The following SH3TC1 variants were observed in gnomAD, a reference collection of about 807,000 sequenced individuals.
SH3TC1 encodes the protein SH3 domain and tetratricopeptide repeats 1, also known as SH3 domain and tetratricopeptide repeat-containing protein 1.
Under a neutral mutation model 117.3 loss-of-function variants are expected in SH3TC1, and 135 were observed. The ratio of observed to expected loss-of-function variants is 1.15; its 90% CI spans 1.00 to 1.33. The LOEUF (loss-of-function observed/expected upper bound fraction) is 1.33, where lower values mean the gene tolerates loss of function less well. SH3TC1 is among the 40% of genes most tolerant of loss of function. The probability of loss-of-function intolerance (pLI) is 0.00; values close to 1 mark genes in which losing one functional copy is unlikely to be tolerated. For missense variants in SH3TC1, 2,092 were observed against 1,794.3 expected, an observed-to-expected ratio of 1.17 and a Z score of -3.00; for synonymous variants, 898 against 816.9, an observed-to-expected ratio of 1.10 and a Z score of -1.69.
rs116515695 is a variant in SH3TC1, at chr4:8,228,326, C to A, written c.2632C>A (p.Arg878=). 1.2e-6 allele frequency: 2 copies of A among 1,612,020 alleles called. No homozygotes were observed. The highest frequency in any genetic ancestry group is 1.1e-5 in the South Asian group (1 of 91,072). The part of the protein sequence containing the change: ...MVAVALKRTG[R]TRQAAESYYR... Reference sequence around the variant, plus strand: ...GGCCGTGGCTCTGAAGAGGACGGGCCGGACGAGGCAGGCAGCTGAGAGCTA... The same window carrying A: ...GGCCGTGGCTCTGAAGAGGACGGGCAGGACGAGGCAGGCAGCTGAGAGCTA... The change falls in exon 12 of 18, where the codon CGG becomes AGG. Residue 878 remains arginine (R), a synonymous_variant. Coordinates refer to ENST00000245105, the MANE Select transcript of SH3TC1 (RefSeq NM_018986.5).
chr4:8,205,518 C>T lies in SH3TC1; in HGVS notation c.172+152C>T, dbSNP rs778464816. ...CTCTCCATCACTTCTCGTTTCCTTC[C>T]CCCGCGTGTGTTTAACAGGAGCCAC... On this transcript the variant is annotated intron_variant, in intron 2 of 17. Coordinates refer to ENST00000245105, the MANE Select transcript of SH3TC1 (RefSeq NM_018986.5). The surrounding 1 kb of genome is among the most constrained non-coding windows in gnomAD (Gnocchi z 5.4). 1.8e-6 allele frequency: 2 copies of T among 1,095,756 alleles called. No homozygotes were observed. The highest frequency in any genetic ancestry group is 2.8e-6 in the Non-Finnish European group (2 of 716,244). The allele number at this position is 1,095,756 out of a possible 1,614,324, so 67.9% of individuals were successfully genotyped here.
chr4:8,234,341 T>C (rs1721598623), intron 14 of SH3TC1, among the ~76,000 whole-genome samples: 1 of 150,500 alleles, frequency 6.6e-6, no homozygotes, highest in Admixed American at 6.6e-5. Context: ...CATTCGTCTG[T>C]CTGTCCATTT....
intron 13 of SH3TC1, chr4:8,232,813 G>A: frequency 7.8e-7 from 1 of 1,284,920 alleles, no homozygotes; most frequent in South Asian, 1.2e-5. Flanking sequence ...TTGGCCTCAG[G>A]TTCACAGCAG....
intron 1 of SH3TC1, among the ~76,000 whole-genome samples, chr4:8,203,052 T>C (rs1281126): frequency 0.67 from 101,941 of 152,096 alleles, 34,440 homozygotes; most frequent in Admixed American, 0.71. Context: ...CTCGTCCCTG[T>C]CTGCAGCCAA....
intron 1 of SH3TC1, among the ~76,000 whole-genome samples, chr4:8,191,958 CATTTATTTATTTATTTATTTATTTATTT>C (rs10705534): frequency 1.4e-5 from 2 of 148,116 alleles, no homozygotes; most frequent in Non-Finnish European, 3.0e-5. Context: ...CTCTGAGTTA[CATTTATTTATTTATTTATTTATTTATTT>C]ATTTATTTAT....
intron 1 of SH3TC1, among the ~76,000 whole-genome samples, chr4:8,182,722 A>G (rs1017544115): frequency 6.6e-6 from 1 of 152,198 alleles, no homozygotes; most frequent in Non-Finnish European, 1.5e-5. Flanking sequence ...GAAACAGTGC[A>G]ATGCTGGTGA....
intron 7 of SH3TC1, among the ~76,000 whole-genome samples, chr4:8,217,821 C>T (rs1417386202): frequency 6.6e-6 from 1 of 152,128 alleles, no homozygotes; most frequent in Non-Finnish European, 1.5e-5. Context: ...GTCCAGCTTC[C>T]TTTTTTTTCT....
chr4:8,227,305 G>A lies in SH3TC1; in HGVS notation c.1611G>A (p.Glu537=), dbSNP rs779992286. The A allele has an allele frequency of 1.9e-6, 3 of 1,610,316 alleles. No homozygotes were observed. Among genetic ancestry groups the A allele is most frequent in the South Asian group, 1.1e-5 (1 of 90,836 alleles). Residue 537 remains glutamate, a synonymous_variant, in exon 12 of 18, where the codon GAG becomes GAA. Coordinates refer to ENST00000245105, the MANE Select transcript of SH3TC1 (RefSeq NM_018986.5). ...TGTTCCGCAGCTTCAGCGACGAGGA[G>A]GAGCTGACTGGGCGCCTGGCACAGG... is the stretch of plus-strand genomic sequence containing the variant. ...SSVFRSFSDE[E]ELTGRLAQAR...
In SH3TC1 at chr4:8,209,816, C is replaced by T. The variant is rs922916937; in HGVS notation, c.241C>T (p.Pro81Ser). The T allele has an allele frequency of 1.2e-6, 2 of 1,613,242 alleles. No individual in the cohort carries two copies. The highest frequency in any genetic ancestry group is 3.3e-5 in the Admixed American group (2 of 59,950). The change falls in exon 3 of 18, where the codon CCC becomes TCC. Residue 81 changes from proline (P) to serine (S), a missense_variant. Pro to Ser is a moderately conservative substitution (Grantham distance 74, BLOSUM62 -1). Coordinates refer to ENST00000245105, the MANE Select transcript of SH3TC1 (RefSeq NM_018986.5). The surrounding 1 kb of genome is among the most constrained non-coding windows in gnomAD (Gnocchi z 5.9). ...GTPPCQMGVY[P>S]TDLTLQLLAV... ...CCCTCCCTGCCAGATGGGGGTTTAT[C>T]CCACAGGTAAACATCCTGGGCCCTA...
Position 8,188,275 on chromosome 4 carries a change from G to A in SH3TC1, c.-57+6065G>A, listed in dbSNP as rs563155138. On this transcript the variant is annotated intron_variant, in intron 1 of 16. Transcript: ENST00000508641. ...CCATGGCTGTCTCCACCATGAGGCCGAGTCTGGGCTCTCTAGAGGGCAGTA... is the reference window on the plus strand; with the variant it reads ...CCATGGCTGTCTCCACCATGAGGCCAAGTCTGGGCTCTCTAGAGGGCAGTA... 3.3e-5 allele frequency among the ~76,000 whole-genome samples: 5 copies of A among 152,286 alleles called. No individual in the cohort carries two copies. In the East Asian group the frequency reaches 5.8e-4, roughly 18 times the overall value.
intron 11 of SH3TC1, among the ~76,000 whole-genome samples, chr4:8,226,370 T>C (rs1170240918): frequency 6.6e-6 from 1 of 152,216 alleles, no homozygotes; most frequent in African/African-American, 2.4e-5. Flanking sequence ...CACAGGAGCC[T>C]GGAAGCTTTC....
In SH3TC1 at chr4:8,205,132, G is replaced by A; in HGVS notation, c.-28-35G>A. On this transcript the variant is annotated intron_variant, in intron 1 of 17. Coordinates refer to ENST00000245105, the MANE Select transcript of SH3TC1 (RefSeq NM_018986.5). This position sits in a 1 kb window ranked among gnomAD's most constrained non-coding sequence, Gnocchi z 5.4. ...CAACCTCCGTGCTGGTTCTGGAGGGGCCACCTCTCCTGACCACACCCCCTC... is the reference window on the plus strand; with the variant it reads ...CAACCTCCGTGCTGGTTCTGGAGGGACCACCTCTCCTGACCACACCCCCTC... 1 of 1,436,358 alleles carries A rather than the reference G, an allele frequency of 7.0e-7. No individual in the cohort carries two copies. The highest frequency in any genetic ancestry group is 9.2e-7 in the Non-Finnish European group (1 of 1,090,000). 89.0% of individuals were successfully genotyped at this position (1,436,358 alleles called of 1,614,324 possible). A position where few individuals can be genotyped will look rare whatever the true frequency, so the allele number is the denominator to read the frequency against.
At chr4:8,198,517 C>A (rs1381565889), upstream of SH3TC1, among the ~76,000 whole-genome samples, 1 of 152,222 alleles carries the variant, frequency 6.6e-6, no homozygotes, top group South Asian at 2.1e-4. Context: ...TTCAGTTCTG[C>A]CTCTTGTCCC....
rs1721717184 is a variant in SH3TC1 at position 8,235,441 on chromosome 4, G to A, written c.3291G>A (p.Gln1097=). ...ELVDLYIQVA[Q]NVALYTGDPN... ...CTTCTGCCTCCTTTCAGGTGGCACAGAACGTGGCCCTGTACACAGGCGACC... is the reference window on the plus strand; with the variant it reads ...CTTCTGCCTCCTTTCAGGTGGCACAAAACGTGGCCCTGTACACAGGCGACC... The change falls in exon 15 of 18, where the codon CAG becomes CAA. Residue 1097 remains glutamine, a synonymous_variant. Coordinates refer to ENST00000245105, the MANE Select transcript of SH3TC1 (RefSeq NM_018986.5). 5 of 1,535,958 alleles carry A rather than the reference G, an allele frequency of 3.3e-6. No homozygotes were observed. Among genetic ancestry groups the A allele is most frequent in the Middle Eastern group, 1.7e-4 (1 of 5,724 alleles).
chr4:8,207,077 C>CAA lies in SH3TC1; in HGVS notation c.172+1730_172+1731dup, dbSNP rs34956323. Among the ~76,000 whole-genome samples, 553 of 138,630 alleles carry CAA rather than the reference C, an allele frequency of 4.0e-3. 3 individuals are homozygous for CAA. Among genetic ancestry groups the CAA allele is most frequent in the African/African-American group, 0.013 (465 of 36,846 alleles). 90.9% of individuals were successfully genotyped at this position (138,630 alleles called of 152,430 possible). The stretch of plus-strand genomic sequence containing the variant: ...TTTATCCCAATAATATCCTTTATAG[C>CAA]AAAAAAAAAAAAAAAAAAAATTCCT... On this transcript the variant is annotated intron_variant, in intron 2 of 17. Transcript: ENST00000245105.
At chr4:8,218,226 C>T (rs759109171) in intron 7 of SH3TC1, 45 bp from the exon 8 acceptor site, 21 of 1,531,576 alleles carry the variant, frequency 1.4e-5, no homozygotes, top group Non-Finnish European at 1.8e-5. Flanking sequence ...GTATCTGCCC[C>T]AAATCTGAAA....
rs1718563764 is a variant in SH3TC1, at chr4:8,210,462, G to C, written c.247+640G>C. Among the ~76,000 whole-genome samples, 1 of 152,210 alleles carries C rather than the reference G, an allele frequency of 6.6e-6. No homozygotes were observed. Among genetic ancestry groups the C allele is most frequent in the Non-Finnish European group, 1.5e-5 (1 of 68,040 alleles). ...GATGACCAGGACGCATTAGGCAATAGGACCGTTATTTAGAATTTGAAAATG... is the reference window on the plus strand; with the variant it reads ...GATGACCAGGACGCATTAGGCAATACGACCGTTATTTAGAATTTGAAAATG... On this transcript the variant is annotated intron_variant, in intron 3 of 17. Transcript: ENST00000245105. This position sits in a 1 kb window ranked among gnomAD's most constrained non-coding sequence, Gnocchi z 4.1.
chr4:8,237,419 A>C, intron 16 of SH3TC1, 55 bp from the exon 17 acceptor site: 3 of 1,428,990 alleles, frequency 2.1e-6, no homozygotes, highest in Middle Eastern at 2.6e-4. Flanking sequence ...CGGGGTCTGC[A>C]TGCCTGCCCC....
In SH3TC1 at chr4:8,216,964, C is replaced by T. The variant is rs141207302; in HGVS notation, c.636C>T (p.Phe212=). ...ACCTCCATCCTTTTGAAGGGCCCTT[C>T]TTTGTCCTGTGTCCTGACCACCATG... is the stretch of plus-strand genomic sequence containing the variant. ...HESLLIQEGP[F]FVLCPDHHVR... is the part of the protein sequence containing the mutation. The change falls in exon 7 of 18, where the codon TTC becomes TTT. Residue 212 remains phenylalanine (F), a synonymous_variant. Transcript: ENST00000245105. The T allele has an allele frequency of 1.2e-6, 2 of 1,614,016 alleles. No individual in the cohort carries two copies. Among genetic ancestry groups the T allele is most frequent in the African/African-American group, 2.7e-5 (2 of 74,940 alleles).
Sources: gnomAD v4.1 joint callset for allele counts (sites outside exome capture counted in the v4.1 genomes callset) on GRCh38, gnomAD v4.1.1 for gene constraint, Gnocchi (gnomAD v3.1) non-coding constraint, MANE v1.5 for transcripts, NCBI Gene and HGNC (gene_info 2026-07-23, HGNC 2026-07-21) for gene names.